The following ZBTB7A variants were observed in gnomAD, a reference collection of about 807,000 sequenced individuals.
ZBTB7A encodes zinc finger and BTB domain containing 7A, also known as zinc finger and BTB domain-containing protein 7A.
A neutral mutation model predicts 26.7 loss-of-function variants in ZBTB7A; 7 were observed. The ratio of observed to expected loss-of-function variants is 0.26; its 90% confidence interval spans 0.15 to 0.49. ZBTB7A has a LOEUF of 0.49. Ranked by LOEUF, ZBTB7A falls within the 20% of genes least tolerant of loss-of-function variation. ZBTB7A has a pLI of 0.98. For missense variants in ZBTB7A, 617 were observed against 919.5 expected (o/e 0.67, Z 4.25); for synonymous variants, 452 against 441.0 (o/e 1.02, Z -0.31).
At chr19:4,049,132 A>G (rs2040463880) in intron 2 of ZBTB7A, among the ~76,000 whole-genome samples, 1 of 130,492 alleles carries the variant, frequency 7.7e-6, no homozygotes, top group African/African-American at 2.8e-5. Context: ...ACCCTATTAA[A>G]TAGCTATTAA....
intron 2 of ZBTB7A, among the ~76,000 whole-genome samples, chr19:4,049,682 C>T (rs2040476446): frequency 6.6e-6 from 1 of 152,138 alleles, no homozygotes; most frequent in Admixed American, 6.5e-5. Context: ...AACCAAGTCC[C>T]CACCCCACGA....
chr19:4,064,829 C>A (rs1006810013), intron 1 of ZBTB7A, among the ~76,000 whole-genome samples: 2 of 152,158 alleles, frequency 1.3e-5, no homozygotes, highest in Non-Finnish European at 2.9e-5. Flanking sequence ...TGCCTCCCCC[C>A]GCCTCGCCGC....
chr19:4,065,172 T>C (rs1232400197), intron 1 of ZBTB7A, among the ~76,000 whole-genome samples: 1 of 149,380 alleles, frequency 6.7e-6, no homozygotes, highest in East Asian at 2.0e-4. Flanking sequence ...GGAGGGGGGG[T>C]CCGGGCCAGA....
chr19:4,065,659 T>A (rs2040688046), intron 1 of ZBTB7A: 2 of 137,464 alleles, frequency 1.5e-5, no homozygotes, highest in South Asian at 4.7e-4. Context: ...CGGCCTGCGC[T>A]AGGCCGCGCA....
intron 2 of ZBTB7A, among the ~76,000 whole-genome samples, chr19:4,051,727 G>A (rs752673471): frequency 3.9e-5 from 6 of 152,250 alleles, no homozygotes; most frequent in Non-Finnish European, 7.3e-5. Context: ...CACAGGGCCG[G>A]GGTCACAGAG....
At chr19:4,066,490 C>G (rs894356470) in intron 1 of ZBTB7A, among the ~76,000 whole-genome samples, 192 bp downstream of exon 1, 14 of 151,786 alleles carry the variant, frequency 9.2e-5, no homozygotes, top group African/African-American at 3.4e-4. Flanking sequence ...GGCGGCGCCC[C>G]CTCCCCGCGC....
rs937154082 is a variant in ZBTB7A at position 4,052,930 on chromosome 19, G to T, written c.1262+1041C>A. Among the ~76,000 whole-genome samples, 1 of 152,126 alleles carries T rather than the reference G, an allele frequency of 6.6e-6. No homozygotes were observed. The highest frequency in any genetic ancestry group is 2.1e-4 in the South Asian group (1 of 4,832). On this transcript the variant is annotated intron_variant, in intron 2 of 2. Transcript: ENST00000322357. This position sits in a 1 kb window ranked among gnomAD's most constrained non-coding sequence, Gnocchi z 4.9. ...CTGCTCCTCCCCTCCTTCAGGTTCC[G>T]GCAAGGCCTGTCCCCGGCGCCTAGA... is the stretch of plus-strand genomic sequence containing the variant.
In ZBTB7A at chr19:4,048,424, G is replaced by A. The variant is rs911921845; in HGVS notation, c.1263-180C>T. On this transcript the variant is annotated intron_variant, in intron 2 of 2. Transcript: ENST00000322357. The surrounding 1 kb of genome is among the most constrained non-coding windows in gnomAD (Gnocchi z 6.7). ...CTCGAAAAACGAGACGAGTGGGGGC[G>A]ATTTCGCATTCTGAACATCTAAAGA... Among the ~76,000 whole-genome samples the A allele has an allele frequency of 7.2e-5, 11 of 152,326 alleles. No homozygotes were observed. Among genetic ancestry groups the A allele is most frequent in the African/African-American group, 2.6e-4 (11 of 41,568 alleles).
chr19:4,054,705 G>A lies in ZBTB7A; in HGVS notation c.528C>T (p.Ala176=), dbSNP rs1158836209. ...ACGGGAAGCTGGCAGCGGCGGCGGC[G>A]GCCGCGGGGGGCAGGCTGTTCATGG... ...SNPMNSLPPA[A]AAAAASFPWS... Residue 176 remains alanine (A), a synonymous_variant, in exon 2 of 3, where the codon GCC becomes GCT. Coordinates refer to ENST00000322357, the MANE Select transcript of ZBTB7A (RefSeq NM_015898.4). The A allele has an allele frequency of 2.5e-6, 4 of 1,575,490 alleles. No homozygotes were observed. Among genetic ancestry groups the A allele is most frequent in the East Asian group, 2.3e-5 (1 of 42,662 alleles).
intron 1 of ZBTB7A, among the ~76,000 whole-genome samples, chr19:4,059,088 GC>G (rs934356806): frequency 3.9e-5 from 6 of 152,322 alleles, no homozygotes; most frequent in African/African-American, 1.4e-4. Flanking sequence ...CTGCCGTCTG[GC>G]CCTGGGCCGC....
Position 4,052,003 on chromosome 19 carries a change from G to A in ZBTB7A, c.1262+1968C>T, listed in dbSNP as rs996948501. On this transcript the variant is annotated intron_variant, in intron 2 of 2. Transcript: ENST00000322357. This position sits in a 1 kb window ranked among gnomAD's most constrained non-coding sequence, Gnocchi z 4.9. ...CGGGCTCCCAGGCTTTTGGAGGGTGGAGGTGCTGGTGTCCTGGGGAGGGGG... is the reference window on the plus strand; with the variant it reads ...CGGGCTCCCAGGCTTTTGGAGGGTGAAGGTGCTGGTGTCCTGGGGAGGGGG... Among the ~76,000 whole-genome samples, 7 of 152,106 alleles carry A rather than the reference G, an allele frequency of 4.6e-5. No homozygotes were observed. Among genetic ancestry groups the A allele is most frequent in the Non-Finnish European group, 8.8e-5 (6 of 67,994 alleles).
At position 4,045,814 on chromosome 19, in the gene ZBTB7A, C is replaced by T; in HGVS notation, c.*1938G>A. The T allele has an allele frequency of 2.5e-6, 1 of 398,522 alleles. No individual in the cohort carries two copies. The allele number at this position is 398,522 out of a possible 1,614,324, so 24.7% of individuals were successfully genotyped here. On this transcript the variant is annotated 3_prime_UTR_variant, in exon 3 of 3. Transcript: ENST00000322357. The surrounding 1 kb of genome is among the most constrained non-coding windows in gnomAD (Gnocchi z 4.1). ...GGCCTGTGGCTCGGTCAACACCGGG[C>T]CTTGTGGGAGCCAGAGGTTGGGGGG...
rs2040436979 is a variant in ZBTB7A at position 4,047,594 on chromosome 19, A to G, written c.*158T>C. 1 of 547,782 alleles carries G rather than the reference A, an allele frequency of 1.8e-6. No homozygotes were observed. The highest frequency in any genetic ancestry group is 5.9e-4 in the Middle Eastern group (1 of 1,684). 33.9% of individuals were successfully genotyped at this position (547,782 alleles called of 1,614,324 possible). A position where few individuals can be genotyped will look rare whatever the true frequency, so the allele number is the denominator to read the frequency against. ...AGAAAGCGCTACCCTAGATTCTGTG[A>G]CGCGTCATATATATATATCTGTATA... On this transcript the variant is annotated 3_prime_UTR_variant, in exon 3 of 3. Transcript: ENST00000322357.
At chr19:4,049,644 A>G (rs1343026854) in intron 2 of ZBTB7A, among the ~76,000 whole-genome samples, 1 of 152,026 alleles carries the variant, frequency 6.6e-6, no homozygotes, top group Non-Finnish European at 1.5e-5. Context: ...TCTGTCCGGG[A>G]CAAAGTGGGG....
chr19:4,057,307 T>C (rs2040590876), intron 1 of ZBTB7A, among the ~76,000 whole-genome samples: 1 of 151,818 alleles, frequency 6.6e-6, no homozygotes. Context: ...TGCGCCATTG[T>C]ACTCCAGCCT....
chr19:4,059,381 C>T (rs866087610), intron 1 of ZBTB7A, among the ~76,000 whole-genome samples: 5 of 152,110 alleles, frequency 3.3e-5, no homozygotes, highest in African/African-American at 7.2e-5. Flanking sequence ...AGGTTGGGTC[C>T]GGGGGTCCCA....
rs2040382138 is a variant in ZBTB7A at position 4,044,095 on chromosome 19, GCCACGGC to G, written c.*3650_*3656del. ...CACCACCTGTGAGGTGACCGCTCCTGCCACGGCCCCGGGGTCTGAATCGTGCAAAGAC... is the reference window on the plus strand; with the variant it reads ...CACCACCTGTGAGGTGACCGCTCCTGCCCGGGGTCTGAATCGTGCAAAGAC... On this transcript the variant is annotated 3_prime_UTR_variant, in exon 3 of 3. Transcript: ENST00000322357. Among the ~76,000 whole-genome samples, 1 of 151,988 alleles carries G rather than the reference GCCACGGC, an allele frequency of 6.6e-6. No homozygotes were observed. Among genetic ancestry groups the G allele is most frequent in the South Asian group, 2.1e-4 (1 of 4,828 alleles).
At position 4,043,510 on chromosome 19, in the gene ZBTB7A, G is replaced by A. The variant is rs2040370988; in HGVS notation, c.*4242C>T. Among the ~76,000 whole-genome samples, 1 of 150,508 alleles carries A rather than the reference G, an allele frequency of 6.6e-6. No individual in the cohort carries two copies. Among genetic ancestry groups the A allele is most frequent in the Non-Finnish European group, 1.5e-5 (1 of 67,778 alleles). ...ATAAAGACTCTCAATACAGTCTCTGGAATGTCTATCTGTCTGTGCTCTGTA... is the reference window on the plus strand; with the variant it reads ...ATAAAGACTCTCAATACAGTCTCTGAAATGTCTATCTGTCTGTGCTCTGTA... On this transcript the variant is annotated 3_prime_UTR_variant, in exon 3 of 3. Coordinates refer to ENST00000322357, the MANE Select transcript of ZBTB7A (RefSeq NM_015898.4).
At chr19:4,055,552 G>A (rs1415972711) in intron 1 of ZBTB7A, 3 of 881,348 alleles carry the variant, frequency 3.4e-6, no homozygotes, top group Non-Finnish European at 4.1e-6. Flanking sequence ...GCCTGGCGCG[G>A]TGGCTCACGC....
Sources: gnomAD v4.1 joint callset for allele counts (sites outside exome capture counted in the v4.1 genomes callset) on GRCh38, gnomAD v4.1.1 for gene constraint, Gnocchi (gnomAD v3.1) non-coding constraint, MANE v1.5 for transcripts, NCBI Gene and HGNC (gene_info 2026-07-23, HGNC 2026-07-21) for gene names.